The following CLDN1 variants were observed in gnomAD, a reference collection of about 807,000 sequenced individuals.
CLDN1 encodes claudin-1.
CLDN1 carries 12 observed loss-of-function variants against 22.6 expected under a neutral mutation model. The ratio of observed to expected loss-of-function variants is 0.53; its 90% CI spans 0.34 to 0.86. The LOEUF (loss-of-function observed/expected upper bound fraction) is 0.86, where lower values mean the gene tolerates loss of function less well. CLDN1 is among the 40% of genes least tolerant of loss of function. CLDN1 has a pLI of 0.02. For synonymous variants in CLDN1, 99 were observed against 103.8 expected (o/e 0.95, Z 0.28); for missense variants, 250 against 269.5 (o/e 0.93, Z 0.51).
intron 2 of CLDN1, among the ~76,000 whole-genome samples, chr3:190,310,618 T>C (rs1716588771): frequency 6.6e-6 from 1 of 152,198 alleles, no homozygotes; most frequent in South Asian, 2.1e-4. Context: ...TTAGTACAGG[T>C]AGAATTACTT....
chr3:190,313,895 G>A (rs1299715464), intron 1 of CLDN1, among the ~76,000 whole-genome samples: 1 of 152,094 alleles, frequency 6.6e-6, no homozygotes, highest in Non-Finnish European at 1.5e-5. Context: ...AAAACTTGAT[G>A]CCATCATTGT....
Position 190,322,439 on chromosome 3 carries a change from A to G in CLDN1, c.-233T>C, listed in dbSNP as rs1716955537. 2 of 575,760 alleles carry G rather than the reference A, an allele frequency of 3.5e-6. No individual in the cohort carries two copies. The highest frequency in any genetic ancestry group is 6.2e-6 in the Non-Finnish European group (2 of 320,804). 35.7% of individuals were successfully genotyped at this position (575,760 alleles called of 1,614,324 possible). A position where few individuals can be genotyped will look rare whatever the true frequency, so the allele number is the denominator to read the frequency against. ...GCTGCGGTTGCTCCCAGGCTCGGGA[A>G]CTGAGACGCAGAACCGCTGGGCGCC... On this transcript the variant is annotated 5_prime_UTR_variant, in exon 1 of 4. Transcript: ENST00000295522.
At position 190,305,781 on chromosome 3, in the gene CLDN1, T is replaced by C. The variant is rs1386401954; in HGVS notation, c.*2496A>G. 4 of 152,276 alleles carry C rather than the reference T, an allele frequency of 2.6e-5. No homozygotes were observed. In the East Asian group the frequency reaches 7.7e-4, roughly 29 times the overall value. The allele number at this position is 152,276 out of a possible 1,614,324, so 9.4% of individuals were successfully genotyped here. A position where few individuals can be genotyped will look rare whatever the true frequency, so the allele number is the denominator to read the frequency against. On this transcript the variant is annotated 3_prime_UTR_variant, in exon 4 of 4. Coordinates refer to ENST00000295522, the MANE Select transcript of CLDN1 (RefSeq NM_021101.5). ...AAATTCCTATTATAAAACCCCAAAA[T>C]GTCTATTGGTCTGTTTCCAGGTGTG...
At chr3:190,313,666 A>G (rs1278067340) in intron 1 of CLDN1, among the ~76,000 whole-genome samples, 1 of 152,202 alleles carries the variant, frequency 6.6e-6, no homozygotes, top group African/African-American at 2.4e-5. Flanking sequence ...TTGAGATGTT[A>G]CCTTGGGACA....
chr3:190,310,949 T>C (rs187777627), intron 2 of CLDN1, among the ~76,000 whole-genome samples: 1 of 152,218 alleles, frequency 6.6e-6, no homozygotes, highest in African/African-American at 2.4e-5. Flanking sequence ...ATAAGATGTA[T>C]AAAATACTTC....
chr3:190,318,414 G>A (rs1406784798), intron 1 of CLDN1, among the ~76,000 whole-genome samples: 1 of 152,180 alleles, frequency 6.6e-6, no homozygotes, highest in Non-Finnish European at 1.5e-5. Flanking sequence ...GGCACTGGAA[G>A]GAATCTTAGA....
chr3:190,312,631 A>C (rs1330944822), intron 2 of CLDN1, among the ~76,000 whole-genome samples: 1 of 151,174 alleles, frequency 6.6e-6, no homozygotes, highest in Non-Finnish European at 1.5e-5. Context: ...ACTGGAAGAG[A>C]CTGGTTCTAA....
At chr3:190,314,934 C>A (rs1202639320) in intron 1 of CLDN1, among the ~76,000 whole-genome samples, 1 of 152,064 alleles carries the variant, frequency 6.6e-6, no homozygotes, top group Non-Finnish European at 1.5e-5. Context: ...AACACATGTT[C>A]CACGGACCAC....
chr3:190,322,274 C>T lies in CLDN1; in HGVS notation c.-68G>A, dbSNP rs940970210. On this transcript the variant is annotated 5_prime_UTR_variant, in exon 1 of 4. Coordinates refer to ENST00000295522, the MANE Select transcript of CLDN1 (RefSeq NM_021101.5). ...AGAAGGCGGAGAGTTTGCAGGTGGG[C>T]AACCCGGACTCCCGAAGGTGGCTGG... The T allele has an allele frequency of 3.6e-6, 5 of 1,400,308 alleles. No individual in the cohort carries two copies. The Admixed American group carries it at 7.1e-5, about 20-fold the overall frequency. 86.7% of individuals were successfully genotyped at this position (1,400,308 alleles called of 1,614,324 possible). A position where few individuals can be genotyped will look rare whatever the true frequency, so the allele number is the denominator to read the frequency against.
rs890432966 is a variant in CLDN1 at position 190,311,169 on chromosome 3, A to C, written c.389-916T>G. 9.2e-5 allele frequency among the ~76,000 whole-genome samples: 14 copies of C among 152,146 alleles called. 2 individuals carry two copies. Among genetic ancestry groups the C allele is most frequent in the Admixed American group, 9.2e-4 (14 of 15,278 alleles). On this transcript the variant is annotated intron_variant, in intron 2 of 3. Transcript: ENST00000295522. ...TCTTGAACTTGTGATGCTTACTCCT[A>C]AGAGAAGTCCCTGAAACTGGAATAG...
At chr3:190,311,780 T>C (rs1007943638) in intron 2 of CLDN1, among the ~76,000 whole-genome samples, 2 of 151,370 alleles carry the variant, frequency 1.3e-5, no homozygotes. Flanking sequence ...AGATTGCATA[T>C]GTATGTACAT....
chr3:190,311,916 C>T (rs1716630940), intron 2 of CLDN1, among the ~76,000 whole-genome samples: 1 of 151,450 alleles, frequency 6.6e-6, no homozygotes, highest in Non-Finnish European at 1.5e-5. Context: ...ACTTATCAAT[C>T]AACACTTGAA....
intron 1 of CLDN1, among the ~76,000 whole-genome samples, chr3:190,315,830 AAG>A (rs1303421486): frequency 6.6e-6 from 1 of 152,150 alleles, no homozygotes; most frequent in African/African-American, 2.4e-5. Flanking sequence ...AGTAGTCTTC[AAG>A]AGAAGTCTAA....
chr3:190,311,398 T>C (rs973858557), intron 2 of CLDN1, among the ~76,000 whole-genome samples: 6 of 152,170 alleles, frequency 3.9e-5, no homozygotes, highest in African/African-American at 1.4e-4. Flanking sequence ...CAATTTGTAT[T>C]TGGGTAAACT....
chr3:190,317,930 T>G (rs1716813502), intron 1 of CLDN1, among the ~76,000 whole-genome samples: 1 of 152,212 alleles, frequency 6.6e-6, no homozygotes, highest in South Asian at 2.1e-4. Flanking sequence ...TAATAAGTAT[T>G]AAGTGAATAA....
Position 190,308,449 on chromosome 3 carries a change from A to G in CLDN1, c.474-10T>C. Reference sequence around the variant, plus strand: ...CTGACCAAATTCGTACCTAAAAGGAAAAACCCATGTGCTTGTTAATCAGTG... The same window carrying G: ...CTGACCAAATTCGTACCTAAAAGGAGAAACCCATGTGCTTGTTAATCAGTG... On this transcript the variant is annotated splice_polypyrimidine_tract_variant and intron_variant, in intron 3 of 3. Transcript: ENST00000295522. 6.2e-7 allele frequency: 1 copy of G among 1,613,360 alleles called. No individual in the cohort carries two copies. Among genetic ancestry groups the G allele is most frequent in the Non-Finnish European group, 8.5e-7 (1 of 1,179,524 alleles).
chr3:190,318,004 G>T (rs1716815434), intron 1 of CLDN1, among the ~76,000 whole-genome samples: 2 of 152,170 alleles, frequency 1.3e-5, no homozygotes, highest in Non-Finnish European at 2.9e-5. Context: ...GCAATTAAAT[G>T]AGCTCAACAC....
intron 1 of CLDN1, among the ~76,000 whole-genome samples, chr3:190,320,259 A>T (rs1716883178): frequency 6.6e-6 from 1 of 152,232 alleles, no homozygotes; most frequent in Non-Finnish European, 1.5e-5. Flanking sequence ...AACCTATTTA[A>T]AGATGTTGAA....
intron 2 of CLDN1, among the ~76,000 whole-genome samples, chr3:190,311,417 G>A (rs1340948412): frequency 6.6e-6 from 1 of 152,096 alleles, no homozygotes; most frequent in African/African-American, 2.4e-5. Flanking sequence ...CTGAGAGACT[G>A]GTCATTTTAA....
Sources: gnomAD v4.1 joint callset for allele counts (sites outside exome capture counted in the v4.1 genomes callset) on GRCh38, gnomAD v4.1.1 for gene constraint, MANE v1.5 for transcripts, NCBI Gene and HGNC (gene_info 2026-07-23, HGNC 2026-07-21) for gene names.